Variants in HFM1 observed in about 807,000 individuals in gnomAD.
HFM1 encodes helicase for meiosis 1, also known as probable ATP-dependent DNA helicase HFM1.
Under a neutral mutation model 192.1 loss-of-function variants are expected in HFM1, and 169 were observed. The observed-to-expected ratio is 0.88, with a 90% CI of 0.78 to 1.00. The LOEUF (loss-of-function observed/expected upper bound fraction) is 1.00. HFM1 is among the 50% of genes least tolerant of loss of function. HFM1 has a pLI of 0.00. For synonymous variants in HFM1, 525 were observed against 537.8 expected (o/e 0.98, Z 0.33); for missense variants, 1,661 against 1,668.0 (o/e 1.00, Z 0.07).
chr1:91,292,585 CA>C (rs1245269498), intron 30 of HFM1, among the ~76,000 whole-genome samples: 1 of 152,004 alleles, frequency 6.6e-6, no homozygotes, highest in East Asian at 1.9e-4. Flanking sequence ...ATTCCATGCT[CA>C]CGGGTAGGAA....
At chr1:91,304,962 A>T (rs1245233715) in intron 30 of HFM1, among the ~76,000 whole-genome samples, 1 of 152,172 alleles carries the variant, frequency 6.6e-6, no homozygotes, top group Non-Finnish European at 1.5e-5. Context: ...ATCCTTGTCA[A>T]AAATAAACTG....
At chr1:91,404,514 C>G (rs1664659698) in intron 1 of HFM1, 1 of 213,218 alleles carries the variant, frequency 4.7e-6, no homozygotes, top group African/African-American at 2.4e-5. Context: ...GCGGGCCGGA[C>G]GCCCAGCCGG....
At chr1:91,369,456 C>G (rs185659891) in intron 13 of HFM1, among the ~76,000 whole-genome samples, 1 of 152,114 alleles carries the variant, frequency 6.6e-6, no homozygotes, top group Non-Finnish European at 1.5e-5. Context: ...CACTCAAAAC[C>G]GCTCAACTAC....
At chr1:91,291,628 T>G (rs948750045) in intron 30 of HFM1, among the ~76,000 whole-genome samples, 20 of 152,056 alleles carry the variant, frequency 1.3e-4, no homozygotes, top group Admixed American at 3.9e-4. Context: ...GAGGTACAAG[T>G]AGGAACTGGT....
At chr1:91,371,208 A>C (rs370422900) in intron 13 of HFM1, among the ~76,000 whole-genome samples, 15,611 of 151,354 alleles carry the variant, frequency 0.1, 594 homozygotes, top group East Asian at 0.16. Context: ...ATCAAGCTAC[A>C]AATGACTTTC....
At chr1:91,290,649 G>A (rs1000135452) in intron 30 of HFM1, among the ~76,000 whole-genome samples, 1 of 152,088 alleles carries the variant, frequency 6.6e-6, no homozygotes, top group African/African-American at 2.4e-5. Context: ...CAACGAGACA[G>A]AAAGTCAACA....
chr1:91,400,390 C>T (rs1189491923), intron 2 of HFM1, among the ~76,000 whole-genome samples: 1 of 152,162 alleles, frequency 6.6e-6, no homozygotes, highest in Non-Finnish European at 1.5e-5. Flanking sequence ...CTGAGCTACT[C>T]TTTGAGCATT....
chr1:91,302,321 T>G (rs1648914946), intron 30 of HFM1, among the ~76,000 whole-genome samples: 1 of 151,902 alleles, frequency 6.6e-6, no homozygotes, highest in Non-Finnish European at 1.5e-5. Flanking sequence ...AGGAACACTT[T>G]TACGCTGTTG....
chr1:91,343,543 A>G (rs1446089028), intron 19 of HFM1, 33 bp from the exon 20 acceptor site: 2 of 864,474 alleles, frequency 2.3e-6, no homozygotes, highest in Non-Finnish European at 3.6e-6. Context: ...TTTTAATTTT[A>G]GTAAAATAGG....
chr1:91,354,777 T>A (rs1472591447), intron 13 of HFM1, among the ~76,000 whole-genome samples: 2 of 152,076 alleles, frequency 1.3e-5, no homozygotes, highest in African/African-American at 4.8e-5. Context: ...AAATAAAGTC[T>A]CAGCCAGATA....
chr1:91,280,899 A>G (rs2100819218), intron 30 of HFM1, among the ~76,000 whole-genome samples: 1 of 152,354 alleles, frequency 6.6e-6, no homozygotes, highest in South Asian at 2.1e-4. Flanking sequence ...AATCTACAGA[A>G]GTGAGGCAAG....
chr1:91,293,427 A>C (rs1453052217), intron 30 of HFM1, among the ~76,000 whole-genome samples: 1 of 152,216 alleles, frequency 6.6e-6, no homozygotes. Flanking sequence ...ACATTTATGC[A>C]GCCAAAAAAC....
At chr1:91,398,982 C>T (rs186592600) in intron 2 of HFM1, among the ~76,000 whole-genome samples, 34 of 152,208 alleles carry the variant, frequency 2.2e-4, no homozygotes, top group African/African-American at 6.3e-4. Context: ...TGTGAGCCAC[C>T]GTGCCTCGTC....
chr1:91,394,946 C>A (rs1031163721), intron 3 of HFM1, among the ~76,000 whole-genome samples: 1 of 151,794 alleles, frequency 6.6e-6, no homozygotes, highest in East Asian at 1.9e-4. Flanking sequence ...GGAATTTGGA[C>A]GTCTTACTAG....
chr1:91,352,679 T>A, intron 15 of HFM1, 28 bp from the exon 16 acceptor site: 2 of 1,537,362 alleles, frequency 1.3e-6, no homozygotes, highest in Non-Finnish European at 8.7e-7. Context: ...ATAGTAATTT[T>A]GAGCCATTTA....
chr1:91,320,401 G>C (rs1381897121), intron 23 of HFM1, among the ~76,000 whole-genome samples: 2 of 152,038 alleles, frequency 1.3e-5, no homozygotes, highest in Non-Finnish European at 2.9e-5. Flanking sequence ...TTAAGAAATA[G>C]TTACAAAGAT....
At chr1:91,377,667 A>G (rs1246676060) in intron 11 of HFM1, 5 of 222,564 alleles carry the variant, frequency 2.2e-5, no homozygotes, top group Non-Finnish European at 3.5e-5. Flanking sequence ...TAATCATCTA[A>G]GCAATTATTT....
chr1:91,286,708 C>G (rs1255661938), intron 30 of HFM1, among the ~76,000 whole-genome samples: 1 of 152,094 alleles, frequency 6.6e-6, no homozygotes, highest in African/African-American at 2.4e-5. Flanking sequence ...GTGTGAGCGA[C>G]GCAGAAGACG....
Position 91,345,634 on chromosome 1 carries a change from A to G in HFM1, c.2254+1795T>C, listed in dbSNP as rs532015614. Among the ~76,000 whole-genome samples the G allele has an allele frequency of 1.1e-4, 16 of 152,268 alleles. No homozygotes were observed. In the South Asian group the frequency reaches 1.7e-3, roughly 16 times the overall value. On this transcript the variant is annotated intron_variant, in intron 19 of 38. Transcript: ENST00000370425. ...GCTGACTCAAGGCATTTCGAACTCA[A>G]TAAGACTAAGAGGACTTCAGAAACA... is the stretch of plus-strand genomic sequence containing the variant.
Sources: allele counts gnomAD v4.1 joint callset (sites outside exome capture counted in the v4.1 genomes callset), GRCh38; gene constraint gnomAD v4.1.1; transcripts MANE v1.5; gene names NCBI Gene and HGNC (gene_info 2026-07-23, HGNC 2026-07-21).